ENTREP2: variants seen among roughly 807,000 people sequenced by gnomAD.
The protein encoded by ENTREP2 is protein ENTREP2.
At chr15:29,271,823 C>CT in the ENTREP2 span, among the ~76,000 whole-genome samples, 1 of 152,130 alleles carries the variant, frequency 6.6e-6, no homozygotes, top group African/African-American at 2.4e-5. Flanking sequence ...CCTTGTGCAA[C>CT]TCGGTGTCTG....
chr15:29,639,222 T>A, the ENTREP2 span, among the ~76,000 whole-genome samples: 10 of 152,208 alleles, frequency 6.6e-5, no homozygotes, highest in Admixed American at 3.3e-4. Context: ...CTTGTTCAAA[T>A]GCATGTTGGG....
the ENTREP2 span, among the ~76,000 whole-genome samples, chr15:29,128,121 T>C: frequency 1.3e-5 from 2 of 152,166 alleles, no homozygotes; most frequent in Non-Finnish European, 2.9e-5. Context: ...ACATGAGTTA[T>C]CTAACTTTGT....
the ENTREP2 span, among the ~76,000 whole-genome samples, chr15:29,590,769 G>C: frequency 6.6e-5 from 10 of 150,526 alleles, no homozygotes; most frequent in East Asian, 7.8e-4. Context: ...TTACATGATT[G>C]ATATAATGGT....
At chr15:29,270,007 A>T in the ENTREP2 span, among the ~76,000 whole-genome samples, 1 of 152,174 alleles carries the variant, frequency 6.6e-6, no homozygotes, top group Non-Finnish European at 1.5e-5. Flanking sequence ...CGAAACTCCT[A>T]AACAAGTGTG....
the ENTREP2 span, among the ~76,000 whole-genome samples, chr15:29,300,971 T>G: frequency 6.6e-6 from 1 of 152,238 alleles, no homozygotes; most frequent in African/African-American, 2.4e-5. Context: ...TGTGTGGATA[T>G]GCATCATCAG....
At chr15:29,433,678 G>A in the ENTREP2 span, among the ~76,000 whole-genome samples, 1 of 151,902 alleles carries the variant, frequency 6.6e-6, no homozygotes, top group Non-Finnish European at 1.5e-5. Context: ...CAGCTGGTAG[G>A]GATTCCCAGT....
At chr15:29,623,288 C>T in the ENTREP2 span, among the ~76,000 whole-genome samples, 28 of 152,150 alleles carry the variant, frequency 1.8e-4, no homozygotes, top group Non-Finnish European at 3.1e-4. Flanking sequence ...CCTGAGTGGG[C>T]TCAAGTTCAG....
chr15:29,317,308 G>A, the ENTREP2 span, among the ~76,000 whole-genome samples: 1 of 152,128 alleles, frequency 6.6e-6, no homozygotes, highest in Non-Finnish European at 1.5e-5. Flanking sequence ...CTAAAACTTT[G>A]CTGACATATT....
chr15:29,549,274 CA>C, the ENTREP2 span, among the ~76,000 whole-genome samples: 2 of 144,996 alleles, frequency 1.4e-5, 1 homozygote. Context: ...ATTTGTTATA[CA>C]TTTTTTTTTT....
chr15:29,592,271 T>C, the ENTREP2 span, among the ~76,000 whole-genome samples: 2 of 152,268 alleles, frequency 1.3e-5, no homozygotes, highest in Middle Eastern at 3.4e-3. Context: ...GTCATGCTCA[T>C]GAAATTCCTA....
chr15:29,194,070 A>C, the ENTREP2 span, among the ~76,000 whole-genome samples: 204 of 152,374 alleles, frequency 1.3e-3, no homozygotes, highest in Admixed American at 2.7e-3. Context: ...ATGCAATCTC[A>C]ATTAAAATCC....
At chr15:29,234,750 C>T in the ENTREP2 span, 3 of 1,496,932 alleles carry the variant, frequency 2.0e-6, no homozygotes, top group South Asian at 2.3e-5. Flanking sequence ...CTGTTGGTTT[C>T]TGCATCTTGC....
chr15:29,655,079 G>A, the ENTREP2 span, among the ~76,000 whole-genome samples: 1 of 150,176 alleles, frequency 6.7e-6, no homozygotes, highest in Admixed American at 6.6e-5. Context: ...AAATGATCCT[G>A]AATTGAAAGG....
At chr15:29,335,970 T>C in the ENTREP2 span, among the ~76,000 whole-genome samples, 1 of 151,674 alleles carries the variant, frequency 6.6e-6, no homozygotes, top group Non-Finnish European at 1.5e-5. Context: ...TGAAACCCCA[T>C]CTCTACTAAA....
At chr15:29,218,832 C>T in the ENTREP2 span, among the ~76,000 whole-genome samples, 1 of 152,136 alleles carries the variant, frequency 6.6e-6, no homozygotes, top group African/African-American at 2.4e-5. Context: ...GGATTAAAGA[C>T]TTAAATCTAA....
chr15:29,309,821 C>T, the ENTREP2 span, among the ~76,000 whole-genome samples: 1 of 151,268 alleles, frequency 6.6e-6, no homozygotes, highest in Admixed American at 6.6e-5. Context: ...GTGGTAATGC[C>T]TATCCCATAG....
At chr15:29,396,238 C>A in the ENTREP2 span, among the ~76,000 whole-genome samples, 2 of 152,078 alleles carry the variant, frequency 1.3e-5, no homozygotes, top group African/African-American at 4.8e-5. Context: ...AAAGTTTATA[C>A]CCTTTGACCA....
At chr15:29,485,838 G>A in the ENTREP2 span, among the ~76,000 whole-genome samples, 1 of 152,130 alleles carries the variant, frequency 6.6e-6, no homozygotes, top group Non-Finnish European at 1.5e-5. Flanking sequence ...CAGTTGCAAT[G>A]GCTATTATCA....
At chr15:29,650,905 ACTTG>A in the ENTREP2 span, among the ~76,000 whole-genome samples, 1 of 152,084 alleles carries the variant, frequency 6.6e-6, no homozygotes, top group Non-Finnish European at 1.5e-5. Context: ...AGTCCTAACT[ACTTG>A]GGAGGCTCAG....
Sources: allele counts gnomAD v4.1 joint callset (sites outside exome capture counted in the v4.1 genomes callset), GRCh38; gene constraint gnomAD v4.1.1; transcripts MANE v1.5; gene names NCBI Gene and HGNC (gene_info 2026-07-23, HGNC 2026-07-21).